Variants in FMN1 observed in about 807,000 individuals in gnomAD.
The protein encoded by FMN1 is formin 1.
In FMN1, 110 loss-of-function variants were observed where a neutral mutation model predicts 132.4. The ratio of observed to expected loss-of-function variants is 0.83; its 90% confidence interval spans 0.71 to 0.97. The LOEUF is 0.97. Among genes scored for constraint, FMN1 ranks in the 50% least tolerant of loss-of-function variants. FMN1 has a pLI of 0.00. For missense variants in FMN1, 1,792 were observed against 1,705.3 expected, an observed-to-expected ratio of 1.05 and a Z score of -0.90; for synonymous variants, 722 against 651.7, an observed-to-expected ratio of 1.11 and a Z score of -1.64.
intron 2 of FMN1, among the ~76,000 whole-genome samples, chr15:33,188,450 A>G (rs1965964385): frequency 6.6e-6 from 1 of 152,126 alleles, no homozygotes; most frequent in Non-Finnish European, 1.5e-5. Context: ...ACATAGTCTT[A>G]GACTATATCT....
chr15:33,157,096 C>T (rs1439853759), intron 3 of FMN1, among the ~76,000 whole-genome samples: 1 of 151,938 alleles, frequency 6.6e-6, no homozygotes, highest in East Asian at 1.9e-4. Context: ...TAAACCCCGT[C>T]TCTACTAAAA....
chr15:32,920,135 A>G (rs2060784161), intron 10 of FMN1, among the ~76,000 whole-genome samples: 1 of 152,184 alleles, frequency 6.6e-6, no homozygotes, highest in Non-Finnish European at 1.5e-5. Context: ...TGCAATGCAT[A>G]TGAACGTTTA....
At chr15:33,117,812 T>C (rs1242078879) in intron 4 of FMN1, among the ~76,000 whole-genome samples, 1 of 152,202 alleles carries the variant, frequency 6.6e-6, no homozygotes, top group Non-Finnish European at 1.5e-5. Flanking sequence ...ACAATGGTTA[T>C]GAAGCATACT....
intron 7 of FMN1, among the ~76,000 whole-genome samples, chr15:32,986,582 G>A (rs573899804): frequency 2.0e-5 from 3 of 152,144 alleles, no homozygotes; most frequent in Non-Finnish European, 4.4e-5. Context: ...TAAATCTAGA[G>A]TGCTCAATGC....
intron 4 of FMN1, chr15:33,150,663 TGAA>T (rs1964405737): frequency 2.0e-6 from 2 of 985,414 alleles, no homozygotes; most frequent in Admixed American, 1.2e-4. Context: ...CCTCTAACAT[TGAA>T]GAGTCTTCCA....
intron 10 of FMN1, among the ~76,000 whole-genome samples, chr15:32,917,353 C>T (rs79703350): frequency 0.017 from 2,527 of 152,266 alleles, 32 homozygotes; most frequent in Non-Finnish European, 0.025. Context: ...CCTGTGCAAA[C>T]CCAGATATGC....
rs1395141965 is a variant in FMN1, at chr15:32,819,584, T to C, written c.3929-15252A>G. Among the ~76,000 whole-genome samples, 4 of 152,212 alleles carry C rather than the reference T, an allele frequency of 2.6e-5. No homozygotes were observed. The East Asian group carries it at 7.7e-4, about 29-fold the overall frequency. The stretch of plus-strand genomic sequence containing the variant: ...AATTTGTGGGACAAGATTTATTGCA[T>C]ATTTTATATGGGACACATCTGTTTC... On this transcript the variant is annotated intron_variant, in intron 17 of 20. Coordinates refer to ENST00000616417, the MANE Select transcript of FMN1 (RefSeq NM_001277313.2).
chr15:33,031,592 T>C (rs553456396), intron 6 of FMN1, among the ~76,000 whole-genome samples: 84 of 152,308 alleles, frequency 5.5e-4, no homozygotes, highest in African/African-American at 1.9e-3. Flanking sequence ...CTTCATTTCA[T>C]GAAGGCAACT....
At chr15:32,959,182 C>T (rs889282778) in intron 9 of FMN1, among the ~76,000 whole-genome samples, 6 of 152,072 alleles carry the variant, frequency 3.9e-5, no homozygotes, top group African/African-American at 1.4e-4. Context: ...TATAAAAAGA[C>T]CTATCTGGCA....
At chr15:32,939,342 G>A (rs2061350785) in intron 9 of FMN1, among the ~76,000 whole-genome samples, 1 of 152,124 alleles carries the variant, frequency 6.6e-6, no homozygotes, top group South Asian at 2.1e-4. Flanking sequence ...AGAATTTATT[G>A]CAGAGTAGTG....
intron 6 of FMN1, among the ~76,000 whole-genome samples, chr15:33,016,506 C>T (rs1251009182): frequency 6.6e-6 from 1 of 152,114 alleles, no homozygotes; most frequent in Non-Finnish European, 1.5e-5. Flanking sequence ...AAAGCATAAC[C>T]GGTTTTGTGT....
At chr15:32,906,639 A>T (rs8027183) in intron 12 of FMN1, among the ~76,000 whole-genome samples, 43,589 of 152,128 alleles carry the variant, frequency 0.29, 6,416 homozygotes, top group Non-Finnish European at 0.3. Flanking sequence ...CCCCAATACA[A>T]CCAAATGGCC....
At position 32,863,218 on chromosome 15, in the gene FMN1, C is replaced by A. The variant is rs543567486; in HGVS notation, c.3836-6111G>T. Among the ~76,000 whole-genome samples the A allele has an allele frequency of 2.6e-5, 4 of 152,200 alleles. No individual in the cohort carries two copies. The East Asian group carries it at 7.8e-4, about 30-fold the overall frequency. On this transcript the variant is annotated intron_variant, in intron 16 of 20. Coordinates refer to ENST00000616417, the MANE Select transcript of FMN1 (RefSeq NM_001277313.2). ...CAGCACTTTGGGAGGCCGAGGCGGGCGGATCACGAGGTCAGGAGACCATCC... is the reference window on the plus strand; with the variant it reads ...CAGCACTTTGGGAGGCCGAGGCGGGAGGATCACGAGGTCAGGAGACCATCC...
At chr15:32,823,408 C>T (rs1481715137) in intron 17 of FMN1, among the ~76,000 whole-genome samples, 1 of 152,078 alleles carries the variant, frequency 6.6e-6, no homozygotes, top group Non-Finnish European at 1.5e-5. Flanking sequence ...TCGTGATCCG[C>T]CCACCTTGGC....
In FMN1 at chr15:32,942,238, T is replaced by C. The variant is rs145792447; in HGVS notation, c.3139-15977A>G. ...GCCAGTATAGACAAATTATTATTAT[T>C]CCTCACATATGTGAATTTTTTTAAA... On this transcript the variant is annotated intron_variant, in intron 9 of 20. Transcript: ENST00000616417. Among the ~76,000 whole-genome samples the C allele has an allele frequency of 5.2e-4, 79 of 152,326 alleles. 1 individual carries two copies. The highest frequency in any genetic ancestry group is 2.2e-4 in the Non-Finnish European group (15 of 68,020).
chr15:33,177,981 G>A (rs1048654345), intron 3 of FMN1, among the ~76,000 whole-genome samples: 1 of 152,068 alleles, frequency 6.6e-6, no homozygotes, highest in African/African-American at 2.4e-5. Flanking sequence ...GGACTCCAGC[G>A]TGGGCAACGA....
chr15:33,141,095 A>G (rs1281187571), intron 4 of FMN1, among the ~76,000 whole-genome samples: 1 of 152,096 alleles, frequency 6.6e-6, no homozygotes, highest in African/African-American at 2.4e-5. Flanking sequence ...ATCTCCTCCC[A>G]GCTTTTCTTC....
intron 17 of FMN1, among the ~76,000 whole-genome samples, chr15:32,823,768 C>T (rs145515968): frequency 6.6e-6 from 1 of 152,226 alleles, no homozygotes; most frequent in African/African-American, 2.4e-5. Context: ...GAAACAAAGC[C>T]CCTGAAAGCT....
chr15:32,788,555 G>T (rs1037588250), intron 19 of FMN1, among the ~76,000 whole-genome samples: 6 of 152,210 alleles, frequency 3.9e-5, no homozygotes, highest in Admixed American at 2.0e-4. Flanking sequence ...ATTGTCTGGA[G>T]TAAGGAGTCT....
Sources: gnomAD v4.1 joint callset for allele counts (sites outside exome capture counted in the v4.1 genomes callset) on GRCh38, gnomAD v4.1.1 for gene constraint, MANE v1.5 for transcripts, NCBI Gene and HGNC (gene_info 2026-07-23, HGNC 2026-07-21) for gene names.